The following SEMA5A variants were observed in gnomAD, a reference collection of about 807,000 sequenced individuals.
SEMA5A encodes the protein semaphorin-5A.
SEMA5A carries 55 observed loss-of-function variants against 135.5 expected under a neutral mutation model. That is an observed-to-expected ratio of 0.41 (90% CI 0.33 to 0.51). SEMA5A has a LOEUF of 0.51. Among genes scored for constraint, SEMA5A ranks in the 20% least tolerant of loss-of-function variants. SEMA5A has a pLI of 0.37. For missense variants in SEMA5A, 1,290 were observed against 1,419.9 expected, an observed-to-expected ratio of 0.91 and a Z score of 1.47; for synonymous variants, 580 against 546.5, an observed-to-expected ratio of 1.06 and a Z score of -0.85.
chr5:9,432,647 T>C (rs1020005268), intron 2 of SEMA5A, among the ~76,000 whole-genome samples: 2 of 152,238 alleles, frequency 1.3e-5, no homozygotes, highest in Non-Finnish European at 2.9e-5. Flanking sequence ...AAGCGAGATC[T>C]AGATTCAATC....
At chr5:9,213,400 T>C (rs1746448241) in intron 8 of SEMA5A, among the ~76,000 whole-genome samples, 1 of 152,202 alleles carries the variant, frequency 6.6e-6, no homozygotes, top group Admixed American at 6.5e-5. Flanking sequence ...CATTAATAGC[T>C]GAGGCTAAAA....
At chr5:9,209,878 A>C (rs1412219039) in intron 8 of SEMA5A, among the ~76,000 whole-genome samples, 1 of 152,232 alleles carries the variant, frequency 6.6e-6, no homozygotes, top group Non-Finnish European at 1.5e-5. Flanking sequence ...TTATGCTCTA[A>C]ACTGGGATGC....
chr5:9,228,708 A>G (rs1485791894), intron 6 of SEMA5A, among the ~76,000 whole-genome samples: 2 of 152,248 alleles, frequency 1.3e-5, no homozygotes, highest in Non-Finnish European at 2.9e-5. Flanking sequence ...TAGGTGTGAA[A>G]GGACAAAGCC....
At chr5:9,287,316 C>T (rs1426899245) in intron 5 of SEMA5A, among the ~76,000 whole-genome samples, 3 of 152,140 alleles carry the variant, frequency 2.0e-5, no homozygotes, top group Non-Finnish European at 2.9e-5. Flanking sequence ...GTATCAAATT[C>T]TATTTTTAGA....
intron 3 of SEMA5A, among the ~76,000 whole-genome samples, chr5:9,343,447 T>C (rs1011716382): frequency 4.6e-5 from 7 of 152,150 alleles, no homozygotes; most frequent in Non-Finnish European, 7.4e-5. Flanking sequence ...GATGGGAACC[T>C]TCTGTGAGCA....
intron 3 of SEMA5A, among the ~76,000 whole-genome samples, chr5:9,356,134 T>G (rs901029072): frequency 6.6e-6 from 1 of 152,172 alleles, no homozygotes; most frequent in Non-Finnish European, 1.5e-5. Flanking sequence ...TAGCCCCAGG[T>G]AAGTCCCCAG....
chr5:9,346,495 G>T (rs965924355), intron 3 of SEMA5A, among the ~76,000 whole-genome samples: 45 of 152,314 alleles, frequency 3.0e-4, no homozygotes, highest in African/African-American at 1.1e-3. Flanking sequence ...AAAGAGCACT[G>T]TAATATGCCC....
intron 2 of SEMA5A, among the ~76,000 whole-genome samples, chr5:9,435,053 C>G (rs183241481): frequency 6.6e-6 from 1 of 152,138 alleles, no homozygotes; most frequent in African/African-American, 2.4e-5. Flanking sequence ...TTTAAAAAAT[C>G]ATACCACAAT....
chr5:9,436,630 A>G (rs1391884597), intron 2 of SEMA5A, among the ~76,000 whole-genome samples: 5 of 152,234 alleles, frequency 3.3e-5, no homozygotes, highest in Non-Finnish European at 5.9e-5. Context: ...TGTTTTGTGA[A>G]TGGGGAAAAA....
At chr5:9,426,071 A>C (rs1245796051) in intron 2 of SEMA5A, among the ~76,000 whole-genome samples, 2 of 152,190 alleles carry the variant, frequency 1.3e-5, no homozygotes, top group African/African-American at 4.8e-5. Flanking sequence ...AGCATTATGA[A>C]TTATCACCAA....
At chr5:9,332,207 G>A (rs903681624) in intron 4 of SEMA5A, among the ~76,000 whole-genome samples, 4 of 151,938 alleles carry the variant, frequency 2.6e-5, no homozygotes, top group Non-Finnish European at 5.9e-5. Context: ...ATGCAGCTCT[G>A]GGCTGGTACT....
chr5:9,497,113 A>G (rs1480537747), intron 1 of SEMA5A, among the ~76,000 whole-genome samples: 1 of 152,190 alleles, frequency 6.6e-6, no homozygotes, highest in African/African-American at 2.4e-5. Context: ...AGTTGAGCAC[A>G]TTAGATACTT....
intron 8 of SEMA5A, among the ~76,000 whole-genome samples, chr5:9,213,899 C>T (rs1746476207): frequency 6.6e-6 from 1 of 152,226 alleles, no homozygotes; most frequent in East Asian, 1.9e-4. Flanking sequence ...CATGGCAGCA[C>T]TCTGGCTTTC....
chr5:9,399,548 G>A (rs1756555965), intron 2 of SEMA5A, among the ~76,000 whole-genome samples: 1 of 152,126 alleles, frequency 6.6e-6, no homozygotes, highest in African/African-American at 2.4e-5. Context: ...AACAGTGGTG[G>A]TTACACAGCT....
At chr5:9,186,904 C>A (rs545524766) in intron 11 of SEMA5A, among the ~76,000 whole-genome samples, 1 of 152,076 alleles carries the variant, frequency 6.6e-6, no homozygotes, top group Non-Finnish European at 1.5e-5. Flanking sequence ...TATTGAACAC[C>A]AGGTCTCACT....
chr5:9,337,856 T>A, intron 3 of SEMA5A, 44 bp from the exon 4 acceptor site: 1 of 1,394,150 alleles, frequency 7.2e-7, no homozygotes, highest in Non-Finnish European at 9.9e-7. Context: ...AAATGAATTA[T>A]TTTTCCTCTG....
At chr5:9,350,797 G>C (rs1455749637) in intron 3 of SEMA5A, among the ~76,000 whole-genome samples, 3 of 152,204 alleles carry the variant, frequency 2.0e-5, no homozygotes, top group Non-Finnish European at 4.4e-5. Flanking sequence ...TTTATACACA[G>C]TCTTTCCTAA....
chr5:9,458,899 C>A (rs939919111), intron 1 of SEMA5A, among the ~76,000 whole-genome samples: 1 of 152,054 alleles, frequency 6.6e-6, no homozygotes, highest in Non-Finnish European at 1.5e-5. Context: ...CCTTTAATGC[C>A]CCCAGGGACA....
intron 18 of SEMA5A, among the ~76,000 whole-genome samples, chr5:9,060,399 C>T (rs1737119498): frequency 6.6e-6 from 1 of 152,134 alleles, no homozygotes; most frequent in African/African-American, 2.4e-5. Flanking sequence ...ACATCCTACC[C>T]ATGGCAACAA....
Sources: allele counts gnomAD v4.1 joint callset (sites outside exome capture counted in the v4.1 genomes callset), GRCh38; gene constraint gnomAD v4.1.1; transcripts MANE v1.5; gene names NCBI Gene and HGNC (gene_info 2026-07-23, HGNC 2026-07-21).